The following GAS2 variants were observed in gnomAD, a reference collection of about 807,000 sequenced individuals.
GAS2 encodes growth arrest specific 2.
In GAS2, 20 loss-of-function variants were observed where a neutral mutation model predicts 37.5. The ratio of observed to expected loss-of-function variants is 0.53; its 90% CI spans 0.37 to 0.77. The LOEUF (loss-of-function observed/expected upper bound fraction) is 0.77. GAS2 is among the 30% of genes least tolerant of loss of function. The pLI, the probability that GAS2 is intolerant of heterozygous loss-of-function variation, is 0.00. For synonymous variants in GAS2, 144 were observed against 132.2 expected (o/e 1.09, Z -0.61); for missense variants, 336 against 373.4 (o/e 0.90, Z 0.82).
At chr11:22,719,752 A>G (rs1851858889) in intron 3 of GAS2, among the ~76,000 whole-genome samples, 4 of 152,042 alleles carry the variant, frequency 2.6e-5, no homozygotes, top group East Asian at 1.9e-4. Flanking sequence ...TCACTTAGTA[A>G]TATGCATTTA....
chr11:22,684,350 G>A (rs1285111216), intron 2 of GAS2, among the ~76,000 whole-genome samples: 2 of 152,148 alleles, frequency 1.3e-5, no homozygotes, highest in African/African-American at 4.8e-5. Context: ...CAGTGAGCAT[G>A]GTATGTATTG....
At chr11:22,648,557 C>A (rs1177024702) in intron 1 of GAS2, among the ~76,000 whole-genome samples, 2 of 152,186 alleles carry the variant, frequency 1.3e-5, no homozygotes, top group African/African-American at 4.8e-5. Context: ...TACCCATGAG[C>A]ATGGAATGTT....
chr11:22,795,051 C>A (rs1205851857), intron 7 of GAS2, among the ~76,000 whole-genome samples: 1 of 152,096 alleles, frequency 6.6e-6, no homozygotes, highest in African/African-American at 2.4e-5. Context: ...TATCAGGGAA[C>A]AAAACAGGAG....
chr11:22,700,972 T>G (rs1850809537), intron 3 of GAS2, among the ~76,000 whole-genome samples: 1 of 152,224 alleles, frequency 6.6e-6, no homozygotes, highest in East Asian at 1.9e-4. Context: ...TAACTGCCTC[T>G]TTTGCTCAAT....
chr11:22,770,677 A>G (rs191621048), intron 7 of GAS2, among the ~76,000 whole-genome samples: 4 of 152,334 alleles, frequency 2.6e-5, no homozygotes, highest in African/African-American at 7.2e-5. Flanking sequence ...CATATTTTAA[A>G]CTGCCAACAG....
chr11:22,649,909 C>T (rs1173656641), intron 1 of GAS2, among the ~76,000 whole-genome samples: 1 of 151,916 alleles, frequency 6.6e-6, no homozygotes, highest in Non-Finnish European at 1.5e-5. Context: ...TTTTGTGTCT[C>T]TATTTCCTTC....
chr11:22,756,304 AG>A (rs1854038617), intron 7 of GAS2, among the ~76,000 whole-genome samples: 1 of 152,072 alleles, frequency 6.6e-6, no homozygotes, highest in East Asian at 1.9e-4. Flanking sequence ...TTTAAAAAAA[AG>A]AAAAGAAAAG....
In GAS2 at chr11:22,689,904, G is replaced by A. The variant is rs1427249276; in HGVS notation, c.267+4115G>A. On this transcript the variant is annotated intron_variant, in intron 3 of 7. Transcript: ENST00000454584. Reference sequence around the variant, plus strand: ...TTTGGAGTTCAGAAAAAATGGTGGCGAAAATGGATGAATTAGTCAATACAT... The same window carrying A: ...TTTGGAGTTCAGAAAAAATGGTGGCAAAAATGGATGAATTAGTCAATACAT... Among the ~76,000 whole-genome samples the A allele has an allele frequency of 2.6e-5, 4 of 152,270 alleles. 1 individual carries two copies. The highest frequency in any genetic ancestry group is 7.2e-5 in the African/African-American group (3 of 41,558).
intron 7 of GAS2, among the ~76,000 whole-genome samples, chr11:22,776,305 A>G (rs963938353): frequency 6.6e-6 from 1 of 152,066 alleles, no homozygotes; most frequent in African/African-American, 2.4e-5. Context: ...TTGTTTTAGC[A>G]ATGAATTTGC....
chr11:22,695,505 C>A (rs899655318), intron 3 of GAS2, among the ~76,000 whole-genome samples: 4 of 152,066 alleles, frequency 2.6e-5, no homozygotes, highest in Non-Finnish European at 5.9e-5. Context: ...TATTTTCTTA[C>A]CCAACCTGCT....
chr11:22,720,647 C>T (rs1050129436), intron 3 of GAS2, among the ~76,000 whole-genome samples: 2 of 151,946 alleles, frequency 1.3e-5, no homozygotes, highest in African/African-American at 4.8e-5. Context: ...TTGAACCGTA[C>T]ACTCTATATA....
chr11:22,666,152 C>T (rs1254523499), upstream of GAS2, among the ~76,000 whole-genome samples: 2 of 152,170 alleles, frequency 1.3e-5, no homozygotes, highest in African/African-American at 4.8e-5. Flanking sequence ...TTGTCTCTGA[C>T]ATTCAACATA....
At chr11:22,657,977 C>T (rs190975872) in intron 1 of GAS2, among the ~76,000 whole-genome samples, 2 of 151,084 alleles carry the variant, frequency 1.3e-5, no homozygotes, top group East Asian at 3.9e-4. Context: ...AAATTTAAAA[C>T]GATCCAGATG....
intron 7 of GAS2, among the ~76,000 whole-genome samples, chr11:22,798,586 A>T (rs140898878): frequency 1.3e-5 from 2 of 152,126 alleles, no homozygotes; most frequent in African/African-American, 2.4e-5. Context: ...ATAATAAATA[A>T]GAAAAAAATG....
At chr11:22,627,040 G>C (rs994498396) in intron 1 of GAS2, among the ~76,000 whole-genome samples, 2 of 152,138 alleles carry the variant, frequency 1.3e-5, no homozygotes, top group East Asian at 1.9e-4. Flanking sequence ...TGATCCTCCC[G>C]CCTCGGCCTC....
chr11:22,710,843 A>AT (rs1183616818), intron 3 of GAS2, among the ~76,000 whole-genome samples: 2 of 152,082 alleles, frequency 1.3e-5, no homozygotes, highest in African/African-American at 4.8e-5. Flanking sequence ...AGTATCATTA[A>AT]TTTTTTTTCC....
At chr11:22,773,309 A>C (rs948395557) in intron 7 of GAS2, among the ~76,000 whole-genome samples, 3 of 151,468 alleles carry the variant, frequency 2.0e-5, no homozygotes, top group African/African-American at 7.3e-5. Flanking sequence ...TTCCCTGCCT[A>C]ATTTCAAGCA....
At chr11:22,671,102 CAT>C (rs989702129) in intron 1 of GAS2, among the ~76,000 whole-genome samples, 53 of 152,196 alleles carry the variant, frequency 3.5e-4, no homozygotes, top group African/African-American at 1.1e-3. Flanking sequence ...AGTCTTTAAA[CAT>C]GTGATATTTT....
At chr11:22,700,548 G>A (rs1221568727) in intron 3 of GAS2, among the ~76,000 whole-genome samples, 1 of 151,958 alleles carries the variant, frequency 6.6e-6, no homozygotes, top group Non-Finnish European at 1.5e-5. Context: ...CAGACCATGG[G>A]GATTTAAACT....
Sources: allele counts gnomAD v4.1 joint callset (sites outside exome capture counted in the v4.1 genomes callset), GRCh38; gene constraint gnomAD v4.1.1; transcripts MANE v1.5; gene names NCBI Gene and HGNC (gene_info 2026-07-23, HGNC 2026-07-21).